The following NXPH1 variants were observed in gnomAD, a reference collection of about 807,000 sequenced individuals.
NXPH1 encodes neurexophilin 1, also known as neurexophilin-1.
A neutral mutation model predicts 23.7 loss-of-function variants in NXPH1; 5 were observed. The observed-to-expected ratio is 0.21, with a 90% CI of 0.11 to 0.44. The LOEUF is 0.44. NXPH1 is among the 20% of genes least tolerant of loss of function. The pLI is 0.99. For synonymous variants in NXPH1, 144 were observed against 122.2 expected (o/e 1.18, Z -1.18); for missense variants, 324 against 321.6 (o/e 1.01, Z -0.06).
At chr7:8,741,571 G>T (rs1414672314) in intron 2 of NXPH1, among the ~76,000 whole-genome samples, 1 of 152,054 alleles carries the variant, frequency 6.6e-6, no homozygotes, top group African/African-American at 2.4e-5. Flanking sequence ...ACTGATTATT[G>T]TTTGACCTTC....
chr7:8,550,148 A>T (rs1225945220), intron 2 of NXPH1, among the ~76,000 whole-genome samples: 2 of 151,636 alleles, frequency 1.3e-5, no homozygotes, highest in African/African-American at 4.8e-5. Flanking sequence ...GAATAGTACA[A>T]GCTTGTGACT....
intron 2 of NXPH1, among the ~76,000 whole-genome samples, chr7:8,738,151 A>G (rs1477122173): frequency 6.6e-6 from 1 of 152,198 alleles, no homozygotes; most frequent in Non-Finnish European, 1.5e-5. Flanking sequence ...CGTCAAACTC[A>G]TTCTCCGTCC....
chr7:8,632,608 T>C (rs939159745), intron 2 of NXPH1, among the ~76,000 whole-genome samples: 19 of 152,184 alleles, frequency 1.2e-4, no homozygotes, highest in African/African-American at 4.6e-4. Context: ...TCTGTTCTTA[T>C]CGCCTTATGA....
At chr7:8,615,637 C>G (rs1169198175) in intron 2 of NXPH1, among the ~76,000 whole-genome samples, 1 of 152,012 alleles carries the variant, frequency 6.6e-6, no homozygotes, top group Non-Finnish European at 1.5e-5. Flanking sequence ...CTGCCTGTCT[C>G]CCTTCCCTCT....
At chr7:8,576,592 G>C (rs756349555) in intron 2 of NXPH1, among the ~76,000 whole-genome samples, 2 of 152,114 alleles carry the variant, frequency 1.3e-5, no homozygotes, top group Middle Eastern at 3.2e-3. Flanking sequence ...TCTTTCACAC[G>C]TAGGCTTAGG....
At chr7:8,504,943 AC>A (rs1817496939) in intron 2 of NXPH1, among the ~76,000 whole-genome samples, 1 of 152,030 alleles carries the variant, frequency 6.6e-6, no homozygotes, top group African/African-American at 2.4e-5. Flanking sequence ...TGTTTGAACC[AC>A]CTTGTCTATG....
At chr7:8,721,351 A>G (rs1005677413) in intron 2 of NXPH1, among the ~76,000 whole-genome samples, 3 of 152,234 alleles carry the variant, frequency 2.0e-5, no homozygotes, top group African/African-American at 7.2e-5. Context: ...AGTTTCTTGT[A>G]ACTTTTTGTA....
chr7:8,741,083 G>A (rs1191015880), intron 2 of NXPH1, among the ~76,000 whole-genome samples: 1 of 152,088 alleles, frequency 6.6e-6, no homozygotes, highest in African/African-American at 2.4e-5. Flanking sequence ...GCAAATACCA[G>A]TCTACTTCCT....
At chr7:8,634,695 T>TTC (rs1820191684) in intron 2 of NXPH1, among the ~76,000 whole-genome samples, 1 of 135,680 alleles carries the variant, frequency 7.4e-6, no homozygotes, top group Non-Finnish European at 1.5e-5. Flanking sequence ...TTTTTTTTTT[T>TTC]CCAAAGAGCA....
At chr7:8,570,809 T>TA (rs1562406335) in intron 2 of NXPH1, among the ~76,000 whole-genome samples, 1 of 151,848 alleles carries the variant, frequency 6.6e-6, no homozygotes, top group African/African-American at 2.4e-5. Flanking sequence ...CAGGGCATGA[T>TA]ACAGTCATGG....
At chr7:8,584,555 C>A (rs1818944478) in intron 2 of NXPH1, among the ~76,000 whole-genome samples, 1 of 152,106 alleles carries the variant, frequency 6.6e-6, no homozygotes, top group South Asian at 2.1e-4. Context: ...AATACACACT[C>A]AGAGATCCAA....
chr7:8,669,741 G>T (rs1820837424), intron 2 of NXPH1, among the ~76,000 whole-genome samples: 1 of 152,166 alleles, frequency 6.6e-6, no homozygotes, highest in Non-Finnish European at 1.5e-5. Context: ...CCCTCAAGCA[G>T]AGAGTATTTC....
At chr7:8,487,026 GT>G (rs1214808588) in intron 2 of NXPH1, among the ~76,000 whole-genome samples, 2 of 151,938 alleles carry the variant, frequency 1.3e-5, no homozygotes, top group South Asian at 4.2e-4. Flanking sequence ...AAGAACCTAT[GT>G]TTTTTTCATT....
intron 2 of NXPH1, among the ~76,000 whole-genome samples, chr7:8,653,256 C>T (rs1820519301): frequency 6.6e-6 from 1 of 152,042 alleles, no homozygotes; most frequent in African/African-American, 2.4e-5. Context: ...CCTAAATAAA[C>T]ACAGTTTAGT....
chr7:8,683,635 A>T (rs941952244), intron 2 of NXPH1, among the ~76,000 whole-genome samples: 2 of 152,324 alleles, frequency 1.3e-5, no homozygotes, highest in South Asian at 2.1e-4. Context: ...ATTTAAAAAT[A>T]ACCTATTTTT....
intron 2 of NXPH1, among the ~76,000 whole-genome samples, chr7:8,668,908 C>G (rs1820823811): frequency 6.6e-6 from 1 of 151,656 alleles, no homozygotes; most frequent in South Asian, 2.1e-4. Context: ...TATGCTGAAG[C>G]CAGATTCGAC....
At position 8,752,440 on chromosome 7, in the gene NXPH1, A is replaced by G. The variant is rs1411512394; in HGVS notation, c.*671A>G. ...AAGGGGCCTGTTCTCAGTAAAGATGAGCAAACATTTGGAATTTACATGTGG... is the reference window on the plus strand; with the variant it reads ...AAGGGGCCTGTTCTCAGTAAAGATGGGCAAACATTTGGAATTTACATGTGG... On this transcript the variant is annotated 3_prime_UTR_variant, in exon 3 of 3. Transcript: ENST00000405863. 6.6e-6 allele frequency: 1 copy of G among 152,568 alleles called. No homozygotes were observed. Among genetic ancestry groups the G allele is most frequent in the Admixed American group, 6.6e-5 (1 of 15,266 alleles). 9.5% of individuals were successfully genotyped at this position (152,568 alleles called of 1,614,324 possible).
intron 2 of NXPH1, among the ~76,000 whole-genome samples, chr7:8,692,513 G>A (rs1338551607): frequency 2.0e-5 from 3 of 152,304 alleles, no homozygotes; most frequent in South Asian, 2.1e-4. Flanking sequence ...CTTTTTAACA[G>A]AACAAGACTT....
At chr7:8,447,856 A>C (rs11979872) in intron 2 of NXPH1, among the ~76,000 whole-genome samples, 12,151 of 152,242 alleles carry the variant, frequency 0.08, 1,098 homozygotes, top group African/African-American at 0.21. Context: ...CTTTAAAGGC[A>C]AAGCCACGTG....
Sources: gnomAD v4.1 joint callset for allele counts (sites outside exome capture counted in the v4.1 genomes callset) on GRCh38, gnomAD v4.1.1 for gene constraint, MANE v1.5 for transcripts, NCBI Gene and HGNC (gene_info 2026-07-23, HGNC 2026-07-21) for gene names.